The following AGL variants were observed in gnomAD, a reference collection of about 807,000 sequenced individuals.
AGL encodes the protein amylo-alpha-1,6-glucosidase and 4-alpha-glucanotransferase, also known as glycogen debranching enzyme.
A neutral mutation model predicts 199.3 loss-of-function variants in AGL; 128 were observed. The observed-to-expected ratio is 0.64, with a 90% CI of 0.56 to 0.74. The LOEUF (loss-of-function observed/expected upper bound fraction) is 0.74, where lower values mean the gene tolerates loss of function less well. AGL is among the 30% of genes least tolerant of loss of function. The pLI, the probability that AGL is intolerant of heterozygous loss-of-function variation, is 0.00. For synonymous variants in AGL, 584 were observed against 594.7 expected, an observed-to-expected ratio of 0.98 and a Z score of 0.26; for missense variants, 1,809 against 1,820.8, an observed-to-expected ratio of 0.99 and a Z score of 0.12.
chr1:99,853,703 C>T (rs1649162402), intron 2 of AGL, among the ~76,000 whole-genome samples: 1 of 151,870 alleles, frequency 6.6e-6, no homozygotes, highest in Non-Finnish European at 1.5e-5. Context: ...GCCTGGACAA[C>T]ATAGTAAGAC....
chr1:99,872,476 A>G (rs1651101209), intron 7 of AGL, among the ~76,000 whole-genome samples: 1 of 152,152 alleles, frequency 6.6e-6, no homozygotes, highest in South Asian at 2.1e-4. Flanking sequence ...ATTAGATATC[A>G]TTAACCTTTA....
intron 2 of AGL, among the ~76,000 whole-genome samples, chr1:99,858,289 A>G (rs936217742): frequency 7.9e-5 from 12 of 152,232 alleles, no homozygotes; most frequent in Non-Finnish European, 7.3e-5. Flanking sequence ...ATACTTAGAA[A>G]ATATTTTCAG....
intron 2 of AGL, among the ~76,000 whole-genome samples, chr1:99,851,715 C>T (rs1648965378): frequency 6.6e-6 from 1 of 152,086 alleles, no homozygotes; most frequent in Non-Finnish European, 1.5e-5. Flanking sequence ...GATCAAATTA[C>T]TTTTCTACAA....
chr1:99,865,899 C>T (rs1406730842), intron 5 of AGL, among the ~76,000 whole-genome samples: 4 of 152,116 alleles, frequency 2.6e-5, no homozygotes, highest in African/African-American at 9.7e-5. Context: ...TCTGCATGTA[C>T]CTAGAAACCA....
chr1:99,859,220 TAAGTATTTTACTTCATGTTTTA>T (rs1178896816), intron 2 of AGL, among the ~76,000 whole-genome samples: 1 of 152,098 alleles, frequency 6.6e-6, no homozygotes, highest in Non-Finnish European at 1.5e-5. Flanking sequence ...TCTCAGTCAC[TAAGTATTTTACTTCATGTTTTA>T]ATTCTTTCTG....
intron 5 of AGL, among the ~76,000 whole-genome samples, chr1:99,870,168 G>T (rs1457794554): frequency 6.6e-6 from 1 of 151,594 alleles, no homozygotes; most frequent in Non-Finnish European, 1.5e-5. Flanking sequence ...TGTTTCATCG[G>T]ATTTTCTAAG....
intron 28 of AGL, among the ~76,000 whole-genome samples, chr1:99,911,447 AT>A (rs996194379): frequency 2.6e-4 from 38 of 148,572 alleles, no homozygotes; most frequent in African/African-American, 3.2e-4. Context: ...TCTTATTCTA[AT>A]TTTTTTTTTT....
intron 2 of AGL, 53 bp from the exon 3 acceptor site, chr1:99,861,450 A>G (rs371174157): frequency 8.7e-6 from 14 of 1,609,064 alleles, no homozygotes; most frequent in African/African-American, 4.0e-5. Flanking sequence ...CTGTTTTTCA[A>G]TGTGGTAATT....
intron 2 of AGL, among the ~76,000 whole-genome samples, chr1:99,851,367 A>G (rs1648938397): frequency 6.6e-6 from 1 of 152,186 alleles, no homozygotes; most frequent in Admixed American, 6.5e-5. Flanking sequence ...TCTGCGTACT[A>G]ATTCCCACTT....
chr1:99,913,777 G>A (rs1654922312), intron 30 of AGL, 39 bp downstream of exon 30: 2 of 1,587,462 alleles, frequency 1.3e-6, no homozygotes, highest in Admixed American at 1.7e-5. Context: ...AAAAAATGAT[G>A]TGCTAGAGTT....
intron 26 of AGL, 114 bp downstream of exon 26, chr1:99,900,975 C>T (rs1370190025): frequency 9.9e-7 from 1 of 1,014,622 alleles, no homozygotes; most frequent in African/African-American, 1.7e-5. Flanking sequence ...ACGAATTATT[C>T]AAATGTCAGT....
In AGL at chr1:99,872,730, T is replaced by C. The variant is rs566097829; in HGVS notation, c.958+1861T>C. ...TTTTAGTAGAGACGGGGTTTCACCA[T>C]GTTGGCCAGGATGGTCTCGATCTCT... On this transcript the variant is annotated intron_variant, in intron 7 of 33. Coordinates refer to ENST00000361915, the MANE Select transcript of AGL (RefSeq NM_000642.3). 1.9e-3 allele frequency among the ~76,000 whole-genome samples: 285 copies of C among 152,300 alleles called. 1 individual carries two copies. Among genetic ancestry groups the C allele is most frequent in the African/African-American group, 6.3e-3 (261 of 41,576 alleles).
At chr1:99,910,484 T>C (rs1557787977) in intron 27 of AGL, among the ~76,000 whole-genome samples, 1 of 152,100 alleles carries the variant, frequency 6.6e-6, no homozygotes, top group Non-Finnish European at 1.5e-5. Flanking sequence ...TAAGTAAGGG[T>C]TTCTCTAGAA....
chr1:99,902,823 A>G (rs758055820), intron 27 of AGL, 29 bp downstream of exon 27: 3 of 1,526,572 alleles, frequency 2.0e-6, no homozygotes, highest in Non-Finnish European at 2.7e-6. Flanking sequence ...AATAGTACAA[A>G]TTTATCAAGG....
chr1:99,920,855 A>G (rs1655468637), intron 33 of AGL, among the ~76,000 whole-genome samples: 1 of 152,190 alleles, frequency 6.6e-6, no homozygotes, highest in African/African-American at 2.4e-5. Flanking sequence ...GAAATTAACA[A>G]TAAATTTGAT....
At chr1:99,874,441 C>T in intron 7 of AGL, 1 of 379,664 alleles carries the variant, frequency 2.6e-6, no homozygotes, top group South Asian at 3.5e-5. Flanking sequence ...TTGTGTCTTT[C>T]TTTTATGTTA....
Position 99,915,473 on chromosome 1 carries a change from AC to A in AGL, c.4247del (p.Thr1416IlefsTer2). The part of the protein sequence containing the change: ...KKLLGPLGMK[T>X]LDPDDMVYCG... Reference sequence around the variant, plus strand: ...ATTGCTTGGTCCCCTTGGCATGAAAACTTTAGATCCAGAGTAAGTTGGAATA... The same window carrying A: ...ATTGCTTGGTCCCCTTGGCATGAAAATTTAGATCCAGAGTAAGTTGGAATA... On this transcript the variant is annotated frameshift_variant, in exon 31 of 34. Coordinates refer to ENST00000361915, the MANE Select transcript of AGL (RefSeq NM_000642.3). LOFTEE classifies it high-confidence loss of function. 6.2e-7 allele frequency: 1 copy of A among 1,609,434 alleles called. No homozygotes were observed. Among genetic ancestry groups the A allele is most frequent in the African/African-American group, 1.3e-5 (1 of 74,870 alleles).
chr1:99,862,493 C>T, intron 4 of AGL, 70 bp downstream of exon 4: 1 of 1,554,630 alleles, frequency 6.4e-7, no homozygotes, highest in Non-Finnish European at 8.8e-7. Context: ...ATATAGATTT[C>T]AAAAGTTTTG....
intron 5 of AGL, among the ~76,000 whole-genome samples, chr1:99,867,840 A>G (rs1405506241): frequency 1.3e-5 from 2 of 152,228 alleles, no homozygotes; most frequent in Middle Eastern, 3.4e-3. Flanking sequence ...CAGAAGTTCT[A>G]TTCCAAGCAG....
Sources: allele counts gnomAD v4.1 joint callset (sites outside exome capture counted in the v4.1 genomes callset), GRCh38; gene constraint gnomAD v4.1.1; transcripts MANE v1.5; gene names NCBI Gene and HGNC (gene_info 2026-07-23, HGNC 2026-07-21).